Variants in PTPRT observed in about 807,000 individuals in gnomAD.
PTPRT encodes the protein protein tyrosine phosphatase receptor type T.
In PTPRT, 56 loss-of-function variants were observed where a neutral mutation model predicts 176.8. The ratio of observed to expected loss-of-function variants is 0.32; its 90% CI spans 0.26 to 0.40. PTPRT has a LOEUF of 0.40. Ranked by LOEUF, PTPRT falls within the 10% of genes least tolerant of loss-of-function variation. The pLI is 1.00. For synonymous variants in PTPRT, 783 were observed against 739.0 expected (o/e 1.06, Z -0.96); for missense variants, 1,540 against 1,908.2 (o/e 0.81, Z 3.60).
intron 17 of PTPRT, among the ~76,000 whole-genome samples, chr20:42,159,254 C>T (rs149533340): frequency 1.3e-5 from 2 of 151,048 alleles, no homozygotes; most frequent in East Asian, 3.9e-4. Context: ...TCCCATACTT[C>T]CAGTTTCTTT....
At chr20:42,844,044 T>C (rs1378590611) in intron 2 of PTPRT, among the ~76,000 whole-genome samples, 1 of 152,212 alleles carries the variant, frequency 6.6e-6, no homozygotes, top group Non-Finnish European at 1.5e-5. Context: ...TAGTTAAGTG[T>C]ATGTATTGAG....
chr20:42,665,882 G>A (rs1181173393), intron 7 of PTPRT, among the ~76,000 whole-genome samples: 2 of 143,160 alleles, frequency 1.4e-5, no homozygotes, highest in Non-Finnish European at 3.0e-5. Context: ...TCATAGGTGG[G>A]AATTGAACAA....
chr20:42,092,481 A>G (rs1984722619), intron 27 of PTPRT, among the ~76,000 whole-genome samples: 1 of 152,188 alleles, frequency 6.6e-6, no homozygotes, highest in Non-Finnish European at 1.5e-5. Context: ...AGACTTGGAG[A>G]AAGTAAAGGA....
the PTPRT span, among the ~76,000 whole-genome samples, chr20:42,034,328 G>T: frequency 6.6e-6 from 1 of 152,174 alleles, no homozygotes; most frequent in South Asian, 2.1e-4. Context: ...CCTGACCATT[G>T]TGGACATCTC....
At chr20:42,150,257 TTTACC>T (rs1298317651) in intron 17 of PTPRT, among the ~76,000 whole-genome samples, 1 of 144,604 alleles carries the variant, frequency 6.9e-6, no homozygotes, top group Admixed American at 6.6e-5. Context: ...GCCCATTTCA[TTTACC>T]CATTTACCTC....
chr20:42,083,930 T>C (rs1397697730), intron 29 of PTPRT, among the ~76,000 whole-genome samples: 2 of 152,236 alleles, frequency 1.3e-5, no homozygotes, highest in Non-Finnish European at 2.9e-5. Flanking sequence ...GGATAGATTC[T>C]GTGACACTTG....
intron 2 of PTPRT, among the ~76,000 whole-genome samples, chr20:42,853,544 G>A (rs1056652565): frequency 1.1e-4 from 17 of 152,172 alleles, no homozygotes; most frequent in African/African-American, 3.9e-4. Context: ...CCATGCATAG[G>A]AGAAGAGTCC....
intron 3 of PTPRT, among the ~76,000 whole-genome samples, chr20:42,786,168 T>C (rs2077287560): frequency 1.3e-5 from 2 of 152,188 alleles, no homozygotes; most frequent in Non-Finnish European, 2.9e-5. Context: ...TCCCCAGCCA[T>C]GTGGAAGTGT....
chr20:42,820,056 G>A (rs1416260859), intron 2 of PTPRT, among the ~76,000 whole-genome samples: 1 of 152,276 alleles, frequency 6.6e-6, no homozygotes, highest in African/African-American at 2.4e-5. Flanking sequence ...CTCAGCTCTG[G>A]ATCAAGTGGA....
At chr20:42,203,214 A>G (rs1991521453) in intron 15 of PTPRT, among the ~76,000 whole-genome samples, 1 of 152,222 alleles carries the variant, frequency 6.6e-6, no homozygotes, top group Admixed American at 6.5e-5. Flanking sequence ...TTGGGGATCT[A>G]TATCTATTCT....
intron 1 of PTPRT, among the ~76,000 whole-genome samples, chr20:42,965,620 C>T (rs1255665488): frequency 6.6e-6 from 1 of 152,118 alleles, no homozygotes; most frequent in Non-Finnish European, 1.5e-5. Context: ...TTAAAAAAGT[C>T]CCCAATAATC....
At chr20:42,694,431 T>C (rs2075841585) in intron 6 of PTPRT, among the ~76,000 whole-genome samples, 1 of 152,252 alleles carries the variant, frequency 6.6e-6, no homozygotes, top group Non-Finnish European at 1.5e-5. Flanking sequence ...TTGTGTTGAA[T>C]GTTGTTTAAC....
chr20:42,143,556 CAAA>C (rs36027241), intron 17 of PTPRT, among the ~76,000 whole-genome samples: 7 of 97,412 alleles, frequency 7.2e-5, no homozygotes, highest in Non-Finnish European at 8.9e-5. Flanking sequence ...GACTCTGTTT[CAAA>C]AAAAAAAAAA....
chr20:42,282,732 T>C (rs1297915608), intron 12 of PTPRT, among the ~76,000 whole-genome samples: 5 of 152,156 alleles, frequency 3.3e-5, no homozygotes, highest in Admixed American at 6.5e-5. Flanking sequence ...TAGGTACATA[T>C]GTTATTCAGT....
intron 18 of PTPRT, among the ~76,000 whole-genome samples, chr20:42,134,177 T>TA (rs1412817059): frequency 6.6e-6 from 1 of 152,156 alleles, no homozygotes; most frequent in Non-Finnish European, 1.5e-5. Context: ...ATTAGAAGGA[T>TA]AAAAAATTGT....
intron 9 of PTPRT, among the ~76,000 whole-genome samples, chr20:42,431,713 A>AT (rs1256659731): frequency 2.6e-5 from 4 of 152,194 alleles, no homozygotes; most frequent in Admixed American, 1.3e-4. Flanking sequence ...CAGAGAGCCT[A>AT]TTGTACATAC....
chr20:42,405,734 T>C (rs1400167320), intron 9 of PTPRT, among the ~76,000 whole-genome samples: 2 of 152,132 alleles, frequency 1.3e-5, no homozygotes, highest in Admixed American at 1.3e-4. Context: ...GGTCAAATGG[T>C]ATTTCTAGTT....
intron 7 of PTPRT, among the ~76,000 whole-genome samples, chr20:42,557,776 C>T (rs763862305): frequency 5.9e-5 from 9 of 152,106 alleles, no homozygotes; most frequent in Middle Eastern, 3.2e-3. Flanking sequence ...GAAATGTGTA[C>T]CTCACCTTTG....
chr20:42,840,126 A>C (rs896775000), intron 2 of PTPRT, among the ~76,000 whole-genome samples: 1 of 152,144 alleles, frequency 6.6e-6, no homozygotes. Flanking sequence ...ATAGGGAAGA[A>C]TCTTTCCTTG....
Sources: allele counts gnomAD v4.1 joint callset (sites outside exome capture counted in the v4.1 genomes callset), GRCh38; gene constraint gnomAD v4.1.1; transcripts MANE v1.5; gene names NCBI Gene and HGNC (gene_info 2026-07-23, HGNC 2026-07-21).